CPQ: variants seen among roughly 807,000 people sequenced by gnomAD.
CPQ encodes carboxypeptidase Q.
A neutral mutation model predicts 45.7 loss-of-function variants in CPQ; 37 were observed. That is an observed-to-expected ratio of 0.81 (90% CI 0.62 to 1.07). The LOEUF is 1.07. Ranked by LOEUF, CPQ falls within the 50% of genes least tolerant of loss-of-function variation. The pLI is 0.00. For missense variants in CPQ, 537 were observed against 572.9 expected, an observed-to-expected ratio of 0.94 and a Z score of 0.64; for synonymous variants, 186 against 205.8, an observed-to-expected ratio of 0.90 and a Z score of 0.82.
intron 7 of CPQ, among the ~76,000 whole-genome samples, chr8:97,078,478 A>T (rs567788621): frequency 2.6e-4 from 39 of 152,236 alleles, no homozygotes; most frequent in African/African-American, 8.7e-4. Context: ...TAAGTTGAGG[A>T]CTATAAAATT....
chr8:97,064,272 G>C (rs58026817), intron 6 of CPQ, among the ~76,000 whole-genome samples: 2 of 152,276 alleles, frequency 1.3e-5, no homozygotes, highest in East Asian at 3.9e-4. Flanking sequence ...AGAGGGAAAG[G>C]GTTTAGGGTT....
At chr8:96,663,293 C>T (rs1808871515) in intron 1 of CPQ, among the ~76,000 whole-genome samples, 1 of 148,702 alleles carries the variant, frequency 6.7e-6, no homozygotes, top group Non-Finnish European at 1.5e-5. Flanking sequence ...ACACTGTAAA[C>T]AACTCCTCAA....
intron 4 of CPQ, among the ~76,000 whole-genome samples, chr8:96,939,443 A>G (rs1045407698): frequency 5.3e-5 from 8 of 151,446 alleles, no homozygotes; most frequent in African/African-American, 4.9e-5. Context: ...GTGTCCCCTC[A>G]CCCCGCCAAT....
intron 4 of CPQ, among the ~76,000 whole-genome samples, chr8:96,917,762 C>T (rs983876833): frequency 6.6e-6 from 1 of 152,106 alleles, no homozygotes; most frequent in East Asian, 1.9e-4. Flanking sequence ...TAAACATGAA[C>T]ACATACTGAT....
chr8:97,124,508 T>C (rs759085007), intron 7 of CPQ, among the ~76,000 whole-genome samples: 9 of 152,294 alleles, frequency 5.9e-5, no homozygotes, highest in Non-Finnish European at 1.3e-4. Flanking sequence ...GTATTCACCA[T>C]GATAGACTAT....
chr8:97,010,550 G>A (rs1466952761), intron 5 of CPQ, among the ~76,000 whole-genome samples: 1 of 152,162 alleles, frequency 6.6e-6, no homozygotes, highest in African/African-American at 2.4e-5. Context: ...AGTAAATCCT[G>A]ATTCTTTCTC....
chr8:96,856,500 C>G (rs1452344330), intron 3 of CPQ, among the ~76,000 whole-genome samples: 1 of 152,204 alleles, frequency 6.6e-6, no homozygotes. Context: ...CTGTTGATCT[C>G]CCTCATCAGG....
chr8:96,882,514 C>T lies in CPQ; in HGVS notation c.849+2509C>T, dbSNP rs182836977. On this transcript the variant is annotated intron_variant, in intron 4 of 7. Coordinates refer to ENST00000220763, the MANE Select transcript of CPQ (RefSeq NM_016134.4). ...GATTATAATACTATCGCTGTTTGGT[C>T]GAGCAGGCTGGGTGAGCTGGCCTAA... Among the ~76,000 whole-genome samples the T allele has an allele frequency of 1.3e-3, 205 of 152,228 alleles. 2 individuals are homozygous for T. The highest frequency in any genetic ancestry group is 9.9e-3 in the Admixed American group (152 of 15,284).
intron 4 of CPQ, among the ~76,000 whole-genome samples, chr8:96,889,683 C>T (rs1240652177): frequency 6.6e-6 from 1 of 152,038 alleles, no homozygotes; most frequent in Non-Finnish European, 1.5e-5. Context: ...AGTCTGTGGC[C>T]AAAGGCCCGA....
At chr8:96,782,198 TC>T (rs1810696048) in intron 1 of CPQ, among the ~76,000 whole-genome samples, 1 of 152,208 alleles carries the variant, frequency 6.6e-6, no homozygotes, top group African/African-American at 2.4e-5. Context: ...TCTACCTGGA[TC>T]CCCAGGCTGT....
intron 4 of CPQ, among the ~76,000 whole-genome samples, chr8:96,883,884 A>G (rs1812264755): frequency 6.6e-6 from 1 of 152,086 alleles, no homozygotes; most frequent in Non-Finnish European, 1.5e-5. Flanking sequence ...TCCCGCCCTA[A>G]TGGCTATTTC....
At chr8:97,068,030 G>C (rs1010156393) in intron 7 of CPQ, among the ~76,000 whole-genome samples, 1 of 152,254 alleles carries the variant, frequency 6.6e-6, no homozygotes, top group East Asian at 1.9e-4. Context: ...GAGTGCAGAC[G>C]GGGGGTGGTT....
At chr8:97,137,633 C>T (rs900979027) in intron 7 of CPQ, among the ~76,000 whole-genome samples, 2 of 152,182 alleles carry the variant, frequency 1.3e-5, no homozygotes, top group African/African-American at 4.8e-5. Context: ...GAGTTCATGG[C>T]ATAAAGTATT....
chr8:96,741,117 G>C (rs1032230015), intron 1 of CPQ, among the ~76,000 whole-genome samples: 1 of 152,128 alleles, frequency 6.6e-6, no homozygotes, highest in East Asian at 1.9e-4. Flanking sequence ...ACTCTTTTTC[G>C]TTGGTAAGCT....
chr8:96,913,982 C>T (rs1264373418), intron 4 of CPQ, among the ~76,000 whole-genome samples: 1 of 152,124 alleles, frequency 6.6e-6, no homozygotes, highest in Non-Finnish European at 1.5e-5. Context: ...AGCTTCTCTA[C>T]TTAATTGTGC....
At chr8:96,735,113 C>T (rs1040069474) in intron 1 of CPQ, among the ~76,000 whole-genome samples, 4 of 152,296 alleles carry the variant, frequency 2.6e-5, no homozygotes, top group Admixed American at 6.5e-5. Context: ...AACAGGACCA[C>T]TATGTTTTTT....
At chr8:96,893,425 G>A (rs1385391091) in intron 4 of CPQ, among the ~76,000 whole-genome samples, 1 of 152,192 alleles carries the variant, frequency 6.6e-6, no homozygotes, top group Non-Finnish European at 1.5e-5. Flanking sequence ...TAGGCAGTAA[G>A]TTCTAGAGCT....
chr8:96,707,684 A>G (rs1035939195), intron 1 of CPQ, among the ~76,000 whole-genome samples: 3 of 150,700 alleles, frequency 2.0e-5, no homozygotes, highest in African/African-American at 7.4e-5. Flanking sequence ...TGAATGAATG[A>G]ATGAATGATT....
intron 4 of CPQ, among the ~76,000 whole-genome samples, chr8:96,915,822 C>T (rs1254551728): frequency 6.6e-6 from 1 of 152,150 alleles, no homozygotes; most frequent in Non-Finnish European, 1.5e-5. Flanking sequence ...GAATCTGCCT[C>T]CTCTTTTTCT....
Sources: gnomAD v4.1 joint callset for allele counts (sites outside exome capture counted in the v4.1 genomes callset) on GRCh38, gnomAD v4.1.1 for gene constraint, MANE v1.5 for transcripts, NCBI Gene and HGNC (gene_info 2026-07-23, HGNC 2026-07-21) for gene names.